ABCB5: variants seen among roughly 807,000 people sequenced by gnomAD.
The protein encoded by ABCB5 is ATP binding cassette subfamily B member 5.
In ABCB5, 155 loss-of-function variants were observed where a neutral mutation model predicts 144.2. The ratio of observed to expected loss-of-function variants is 1.08; its 90% confidence interval spans 0.94 to 1.23. The LOEUF (loss-of-function observed/expected upper bound fraction) is 1.23, where lower values mean the gene tolerates loss of function less well. ABCB5 is among the 50% of genes most tolerant of loss of function. ABCB5 has a pLI of 0.00. For missense variants in ABCB5, 1,830 were observed against 1,520.8 expected (o/e 1.20, Z -3.38); for synonymous variants, 610 against 528.6 (o/e 1.15, Z -2.11).
At chr7:20,721,028 G>A (rs1453212817) in intron 20 of ABCB5, among the ~76,000 whole-genome samples, 1 of 150,586 alleles carries the variant, frequency 6.6e-6, no homozygotes, top group African/African-American at 2.4e-5. Context: ...AATGAAATGT[G>A]TGATTCCAAT....
chr7:20,674,738 A>G (rs1240017955), intron 14 of ABCB5, among the ~76,000 whole-genome samples: 1 of 138,376 alleles, frequency 7.2e-6, no homozygotes, highest in Non-Finnish European at 1.5e-5. Context: ...AAATTTGAAA[A>G]CTCTAAAGAC....
intron 20 of ABCB5, among the ~76,000 whole-genome samples, chr7:20,712,022 G>A (rs1390133786): frequency 7.0e-6 from 1 of 143,882 alleles, no homozygotes; most frequent in Admixed American, 7.0e-5. Flanking sequence ...GGTGGACCAC[G>A]AGGTCAGGAG....
chr7:20,713,959 A>T (rs1212779608), intron 20 of ABCB5, among the ~76,000 whole-genome samples: 1 of 152,162 alleles, frequency 6.6e-6, no homozygotes, highest in East Asian at 1.9e-4. Context: ...TTGTCTGCTC[A>T]ACTCAGAGTC....
chr7:20,668,251 G>A (rs1290791282), intron 14 of ABCB5, among the ~76,000 whole-genome samples: 8 of 148,754 alleles, frequency 5.4e-5, no homozygotes, highest in Non-Finnish European at 7.4e-5. Context: ...GTCTCTGCCC[G>A]GCCGCCATCC....
chr7:20,719,889 C>A (rs559108206), intron 20 of ABCB5, among the ~76,000 whole-genome samples: 2 of 151,876 alleles, frequency 1.3e-5, no homozygotes, highest in Non-Finnish European at 1.5e-5. Flanking sequence ...TCATGAGTTT[C>A]AAGAAATATA....
chr7:20,742,014 G>A (rs1380510980), intron 24 of ABCB5, among the ~76,000 whole-genome samples: 2 of 152,152 alleles, frequency 1.3e-5, no homozygotes, highest in Non-Finnish European at 2.9e-5. Context: ...AACCAGTAAA[G>A]AGATTGATGC....
intron 14 of ABCB5, among the ~76,000 whole-genome samples, chr7:20,663,941 C>G (rs1438990650): frequency 6.6e-6 from 1 of 151,830 alleles, no homozygotes. Flanking sequence ...GTCTCGAACT[C>G]CTGACCTCAA....
intron 27 of ABCB5, 90 bp from the exon 28 acceptor site, chr7:20,755,337 A>C: frequency 9.0e-7 from 1 of 1,112,516 alleles, no homozygotes; most frequent in East Asian, 2.4e-5. Context: ...AAAGCAAAGA[A>C]GGTTATTAGA....
At chr7:20,750,403 C>CACACACACACACACACAT (rs1782884240) in intron 26 of ABCB5, among the ~76,000 whole-genome samples, 1 of 151,970 alleles carries the variant, frequency 6.6e-6, no homozygotes, top group South Asian at 2.1e-4. Context: ...CACACACACA[C>CACACACACACACACACAT]ACACACACAC....
intron 2 of ABCB5, among the ~76,000 whole-genome samples, chr7:20,626,146 A>G (rs1476191051): frequency 6.6e-6 from 1 of 152,186 alleles, no homozygotes; most frequent in Non-Finnish European, 1.5e-5. Context: ...CGCGGTTGCC[A>G]GGGGCTGGGA....
intron 4 of ABCB5, 26 bp downstream of exon 4, chr7:20,628,864 T>C: frequency 6.2e-7 from 1 of 1,610,490 alleles, no homozygotes; most frequent in East Asian, 2.2e-5. Flanking sequence ...TTTTTCTGTA[T>C]CACTTAAGAC....
At chr7:20,646,182 TCCTTA>T (rs1784404883) in intron 9 of ABCB5, 44 bp downstream of exon 9, 2 of 1,551,408 alleles carry the variant, frequency 1.3e-6, no homozygotes, top group South Asian at 2.4e-5. Flanking sequence ...GGATAATCTT[TCCTTA>T]CCTAGTTTAG....
Position 20,685,740 on chromosome 7 carries a change from T to G in ABCB5, c.1914T>G (p.Ser638=). The change falls in exon 16 of 28, where the codon TCT becomes TCG. Residue 638 remains serine (S), a synonymous_variant. Coordinates refer to ENST00000404938, the MANE Select transcript of ABCB5 (RefSeq NM_001163941.2). The stretch of plus-strand genomic sequence containing the variant: ...AACAGATGGAGTCAATGACATATTC[T>G]ACTGAAAGAAAGACCAACTCACTTC... ...ADEQMESMTY[S]TERKTNSLPL... The G allele has an allele frequency of 3.1e-6, 5 of 1,613,022 alleles. No homozygotes were observed. Among genetic ancestry groups the G allele is most frequent in the Non-Finnish European group, 4.2e-6 (5 of 1,179,156 alleles).
At chr7:20,635,566 T>C (rs555982620) in intron 5 of ABCB5, among the ~76,000 whole-genome samples, 10 of 152,278 alleles carry the variant, frequency 6.6e-5, no homozygotes, top group African/African-American at 2.2e-4. Flanking sequence ...CATTTGTTTG[T>C]ATCATCTGCA....
Position 20,626,573 on chromosome 7 carries a change from C to T in ABCB5, c.70C>T (p.Pro24Ser). The T allele has an allele frequency of 6.2e-7, 1 of 1,607,666 alleles. No individual in the cohort carries two copies. The highest frequency in any genetic ancestry group is 8.5e-7 in the Non-Finnish European group (1 of 1,176,900). The change falls in exon 3 of 28, where the codon CCA (proline) becomes TCA (serine). Residue 24 changes from proline to serine, a missense_variant. Pro to Ser is a moderately conservative substitution (Grantham distance 74, BLOSUM62 -1). Coordinates refer to ENST00000404938, the MANE Select transcript of ABCB5 (RefSeq NM_001163941.2). ...YQRNGTAEEQPKLRKEAVGSI... is the reference protein window; with the variant it reads ...YQRNGTAEEQSKLRKEAVGSI... Reference sequence around the variant, plus strand: ...ATTTTCCAGAACTGCAGAAGAACAGCCAAAACTGAGAAAGGAAGCAGTTGG... The same window carrying T: ...ATTTTCCAGAACTGCAGAAGAACAGTCAAAACTGAGAAAGGAAGCAGTTGG...
At chr7:20,751,466 G>A (rs1340301264) in intron 26 of ABCB5, among the ~76,000 whole-genome samples, 18 of 151,934 alleles carry the variant, frequency 1.2e-4, no homozygotes, top group Admixed American at 9.2e-4. Context: ...GCGAGACTCC[G>A]TAAAAAAATA....
Position 20,685,066 on chromosome 7 carries a change from G to C in ABCB5, c.1870-630G>C, listed in dbSNP as rs577040407. On this transcript the variant is annotated intron_variant, in intron 15 of 27. Coordinates refer to ENST00000404938, the MANE Select transcript of ABCB5 (RefSeq NM_001163941.2). The stretch of plus-strand genomic sequence containing the variant: ...GGGTGTTACCATGTTGGCCAGGCTG[G>C]TCTGAAACTCCTGGCCTGAAGTGAT... Among the ~76,000 whole-genome samples the C allele has an allele frequency of 6.6e-5, 10 of 152,244 alleles. No individual in the cohort carries two copies. In the South Asian group the frequency reaches 1.9e-3, roughly 28 times the overall value.
At chr7:20,699,754 A>G in intron 17 of ABCB5, 71 bp from the exon 18 acceptor site, 1 of 1,050,246 alleles carries the variant, frequency 9.5e-7, no homozygotes, top group Non-Finnish European at 1.4e-6. Flanking sequence ...CCTGATATAC[A>G]GAAATTTTCA....
Position 20,710,381 on chromosome 7 carries a change from A to AAAGGGGGG in ABCB5, c.2421+5574_2421+5575insAAGGGGGG, listed in dbSNP as rs1242291728. Among the ~76,000 whole-genome samples, 18 of 56,730 alleles carry AAAGGGGGG rather than the reference A, an allele frequency of 3.2e-4. 5 individuals carry two copies. The highest frequency in any genetic ancestry group is 1.7e-3 in the South Asian group (2 of 1,196). 37.2% of individuals were successfully genotyped at this position (56,730 alleles called of 152,430 possible). A position where few individuals can be genotyped will look rare whatever the true frequency, so the allele number is the denominator to read the frequency against. ...AAACTCCACCTCAAAAAAAAAAAAA[A>AAAGGGGGG]GTGGGGGGGGGGCATGACTGTGTTT... On this transcript the variant is annotated intron_variant, in intron 20 of 27. Transcript: ENST00000404938.
Sources: gnomAD v4.1 joint callset for allele counts (sites outside exome capture counted in the v4.1 genomes callset) on GRCh38, gnomAD v4.1.1 for gene constraint, MANE v1.5 for transcripts, NCBI Gene and HGNC (gene_info 2026-07-23, HGNC 2026-07-21) for gene names.